Variants in SLC6A6 observed in about 807,000 individuals in gnomAD.
The protein encoded by SLC6A6 is solute carrier family 6 member 6.
SLC6A6 carries 16 observed loss-of-function variants against 68.8 expected under a neutral mutation model. The observed-to-expected ratio is 0.23, with a 90% CI of 0.16 to 0.35. The LOEUF (loss-of-function observed/expected upper bound fraction) is 0.35, where lower values mean the gene tolerates loss of function less well. Ranked by LOEUF, SLC6A6 falls within the 10% of genes least tolerant of loss-of-function variation. The pLI is 1.00. For missense variants in SLC6A6, 474 were observed against 802.8 expected, an observed-to-expected ratio of 0.59 and a Z score of 4.95; for synonymous variants, 312 against 315.4, an observed-to-expected ratio of 0.99 and a Z score of 0.12.
rs144923141 is a variant in SLC6A6 at position 14,442,417 on chromosome 3, G to T, written c.-11-1207G>T. Among the ~76,000 whole-genome samples, 423 of 152,302 alleles carry T rather than the reference G, an allele frequency of 2.8e-3. 1 individual carries two copies. Among genetic ancestry groups the T allele is most frequent in the African/African-American group, 9.7e-3 (402 of 41,568 alleles). ...TAGCTCTGGTTTTCCCAGCTCATCC[G>T]TTTTCTGTGTCCCTCTGTTATGTTG... On this transcript the variant is annotated intron_variant, in intron 2 of 14. Coordinates refer to ENST00000622186, the MANE Select transcript of SLC6A6 (RefSeq NM_003043.6).
chr3:14,478,432 G>A (rs758367891), intron 11 of SLC6A6, 34 bp from the exon 12 acceptor site: 10 of 1,361,426 alleles, frequency 7.3e-6, no homozygotes, highest in Non-Finnish European at 9.4e-6. Flanking sequence ...AGACCAGGTA[G>A]GAAATCGACC....
At chr3:14,469,840 C>A (rs1292678550) in intron 9 of SLC6A6, among the ~76,000 whole-genome samples, 1 of 152,150 alleles carries the variant, frequency 6.6e-6, no homozygotes, top group East Asian at 1.9e-4. Context: ...CTTGGCAAAT[C>A]CACATGTCAC....
intron 7 of SLC6A6, among the ~76,000 whole-genome samples, chr3:14,467,104 G>A (rs1241285740): frequency 3.3e-5 from 5 of 152,088 alleles, no homozygotes; most frequent in Non-Finnish European, 7.4e-5. Context: ...GGCAGATACC[G>A]AAAGCACACC....
chr3:14,445,040 C>T (rs1452416904), intron 3 of SLC6A6, among the ~76,000 whole-genome samples: 1 of 124,136 alleles, frequency 8.1e-6, no homozygotes, highest in African/African-American at 3.8e-5. Context: ...AAAGAGGCGA[C>T]GTGTGAGTGG....
At chr3:14,426,737 A>G (rs1699608227) in intron 2 of SLC6A6, among the ~76,000 whole-genome samples, 2 of 152,190 alleles carry the variant, frequency 1.3e-5, no homozygotes, top group African/African-American at 2.4e-5. Flanking sequence ...AAGGGTTGCT[A>G]TGACAATAAG....
At chr3:14,464,551 G>C (rs551517584) in intron 6 of SLC6A6, among the ~76,000 whole-genome samples, 1 of 152,188 alleles carries the variant, frequency 6.6e-6, no homozygotes, top group Non-Finnish European at 1.5e-5. Context: ...GGCCCTGAAA[G>C]CTTCCTTTTT....
At chr3:14,409,098 A>G (rs369975049) in intron 1 of SLC6A6, among the ~76,000 whole-genome samples, 14 of 152,244 alleles carry the variant, frequency 9.2e-5, no homozygotes, top group African/African-American at 2.4e-4. Context: ...GTGAGCCACC[A>G]CGCCTGGCCA....
chr3:14,422,285 C>A (rs1699502295), intron 2 of SLC6A6, among the ~76,000 whole-genome samples: 1 of 152,140 alleles, frequency 6.6e-6, no homozygotes, highest in African/African-American at 2.4e-5. Flanking sequence ...CCTCAGGGTG[C>A]CTTTATCTAC....
chr3:14,454,415 G>A (rs1323378486), intron 5 of SLC6A6, among the ~76,000 whole-genome samples: 5 of 152,142 alleles, frequency 3.3e-5, no homozygotes, highest in East Asian at 1.9e-4. Context: ...TACTGAGCAC[G>A]CCCTCACTGC....
chr3:14,467,834 A>G lies in SLC6A6; in HGVS notation c.868-19A>G. The G allele has an allele frequency of 6.5e-7, 1 of 1,530,528 alleles. No homozygotes were observed. Among genetic ancestry groups the G allele is most frequent in the Non-Finnish European group, 9.0e-7 (1 of 1,114,298 alleles). The allele number at this position is 1,530,528 out of a possible 1,614,324, so 94.8% of individuals were successfully genotyped here. On this transcript the variant is annotated intron_variant, in intron 7 of 14. Coordinates refer to ENST00000622186, the MANE Select transcript of SLC6A6 (RefSeq NM_003043.6). ...GACAGCCCTCCTCTCTTTCCTTGCC[A>G]CCTCCCTCCCCCTCATAGGTGTGGA...
At chr3:14,426,923 G>T (rs571766798) in intron 2 of SLC6A6, among the ~76,000 whole-genome samples, 7 of 152,138 alleles carry the variant, frequency 4.6e-5, no homozygotes, top group Non-Finnish European at 8.8e-5. Context: ...CAGAAACGGC[G>T]TGGCGATGGG....
chr3:14,444,903 C>G (rs1197505450), intron 3 of SLC6A6: 7 of 452,896 alleles, frequency 1.5e-5, no homozygotes, highest in Non-Finnish European at 3.1e-5. Context: ...CCCCCCCATT[C>G]TTCCCCTTGG....
intron 12 of SLC6A6, 30 bp downstream of exon 12, chr3:14,478,598 C>A: frequency 7.5e-7 from 1 of 1,329,328 alleles, no homozygotes; most frequent in Non-Finnish European, 1.1e-6. Context: ...TGTCCTTTCT[C>A]AAGGCTCTCC....
intron 1 of SLC6A6, among the ~76,000 whole-genome samples, chr3:14,412,929 G>C (rs772441574): frequency 6.6e-6 from 1 of 152,234 alleles, no homozygotes; most frequent in Non-Finnish European, 1.5e-5. Context: ...GCCGGCATTC[G>C]TGCTGGGCCA....
chr3:14,445,240 G>A (rs954473821), intron 3 of SLC6A6, among the ~76,000 whole-genome samples: 1 of 142,300 alleles, frequency 7.0e-6, no homozygotes, highest in Non-Finnish European at 1.5e-5. Context: ...GACTAACATG[G>A]TGAAACCCTG....
intron 5 of SLC6A6, among the ~76,000 whole-genome samples, chr3:14,448,802 A>G (rs1164918250): frequency 1.3e-5 from 2 of 152,214 alleles, no homozygotes; most frequent in African/African-American, 4.8e-5. Flanking sequence ...ATGTGTGGAG[A>G]CATTCTTCTA....
chr3:14,403,989 G>A (rs1025728250), intron 1 of SLC6A6, among the ~76,000 whole-genome samples: 89 of 152,350 alleles, frequency 5.8e-4, no homozygotes, highest in African/African-American at 2.1e-3. Context: ...AAGCTTGGGA[G>A]GCAGCCTGGG....
At position 14,481,847 on chromosome 3, in the gene SLC6A6, T is replaced by G. The variant is rs749861702; in HGVS notation, c.1722+6T>G. On this transcript the variant is annotated splice_donor_region_variant and intron_variant, in intron 14 of 14. Coordinates refer to ENST00000622186, the MANE Select transcript of SLC6A6 (RefSeq NM_003043.6). This position sits in a 1 kb window ranked among gnomAD's most constrained non-coding sequence, Gnocchi z 4.7. ...CTGAGGGGCCGTTCCTTGTGGTAAG[T>G]GCTTGGGCCCAGGGCCAGGGGAGGT... The G allele has an allele frequency of 1.2e-6, 2 of 1,613,002 alleles. No homozygotes were observed.
intron 2 of SLC6A6, among the ~76,000 whole-genome samples, chr3:14,439,077 T>C (rs551085344): frequency 3.9e-5 from 6 of 152,270 alleles, no homozygotes; most frequent in South Asian, 2.1e-4. Flanking sequence ...CAGAGCAAGA[T>C]ATAGGGGTCC....
Sources: allele counts gnomAD v4.1 joint callset (sites outside exome capture counted in the v4.1 genomes callset), GRCh38; gene constraint gnomAD v4.1.1; non-coding constraint Gnocchi (gnomAD v3.1); transcripts MANE v1.5; gene names NCBI Gene and HGNC (gene_info 2026-07-23, HGNC 2026-07-21).